PCDH15: variants seen among roughly 807,000 people sequenced by gnomAD.
PCDH15 encodes the protein protocadherin-15.
PCDH15 carries 129 observed loss-of-function variants against 178.5 expected under a neutral mutation model. The ratio of observed to expected loss-of-function variants is 0.72; its 90% CI spans 0.63 to 0.84. PCDH15 has a LOEUF of 0.84. Ranked by LOEUF, PCDH15 falls within the 40% of genes least tolerant of loss-of-function variation. The pLI, the probability that PCDH15 is intolerant of heterozygous loss-of-function variation, is 0.00. For missense variants in PCDH15, 2,230 were observed against 2,099.9 expected (o/e 1.06, Z -1.21); for synonymous variants, 800 against 732.0 (o/e 1.09, Z -1.50).
At chr10:53,853,414 C>G (rs1481962050) in intron 28 of PCDH15, among the ~76,000 whole-genome samples, 1 of 151,190 alleles carries the variant, frequency 6.6e-6, no homozygotes, top group East Asian at 1.9e-4. Flanking sequence ...CAAAAATAGA[C>G]AGATGGACTA....
At chr10:55,309,881 G>A (rs1843535849) in intron 1 of PCDH15, among the ~76,000 whole-genome samples, 1 of 152,034 alleles carries the variant, frequency 6.6e-6, no homozygotes, top group Non-Finnish European at 1.5e-5. Context: ...TGGCTAGAAG[G>A]GTCATGACTG....
intron 15 of PCDH15, among the ~76,000 whole-genome samples, chr10:54,127,915 C>G (rs1186694493): frequency 6.6e-6 from 1 of 152,096 alleles, no homozygotes; most frequent in African/African-American, 2.4e-5. Context: ...ATGCCTTACT[C>G]ATTATTTTTA....
intron 2 of PCDH15, among the ~76,000 whole-genome samples, chr10:55,125,163 TTG>T (rs34423359): frequency 0.015 from 2,188 of 143,030 alleles, 35 homozygotes; most frequent in African/African-American, 0.039. Flanking sequence ...TTTTTTTTAA[TTG>T]TGTGTGTGTG....
chr10:54,892,043 C>T (rs1474863399), intron 3 of PCDH15, among the ~76,000 whole-genome samples: 1 of 152,120 alleles, frequency 6.6e-6, no homozygotes, highest in African/African-American at 2.4e-5. Flanking sequence ...CTGAGTTATA[C>T]AATACCTGAC....
Position 54,444,651 on chromosome 10 carries a change from ATATC to A in PCDH15, c.158-65713_158-65710del, listed in dbSNP as rs2136207730. Among the ~76,000 whole-genome samples, 3 of 151,800 alleles carry A rather than the reference ATATC, an allele frequency of 2.0e-5. No homozygotes were observed. The East Asian group carries it at 5.8e-4, about 29-fold the overall frequency. On this transcript the variant is annotated intron_variant, in intron 3 of 37. Coordinates refer to ENST00000644397, the MANE Select transcript of PCDH15 (RefSeq NM_001384140.1). Reference sequence around the variant, plus strand: ...TCATAAACTAGCACAGAAGCTTGTCATATCATTACACATTTATCCATTGCTCTAA... The same window carrying A: ...TCATAAACTAGCACAGAAGCTTGTCAATTACACATTTATCCATTGCTCTAA...
intron 3 of PCDH15, among the ~76,000 whole-genome samples, chr10:54,468,492 T>C (rs1452026256): frequency 1.3e-5 from 2 of 152,086 alleles, no homozygotes; most frequent in Non-Finnish European, 2.9e-5. Context: ...TATTTTTTAT[T>C]CCACTGTGTT....
chr10:53,974,059 C>A (rs1374780647), intron 21 of PCDH15, among the ~76,000 whole-genome samples: 1 of 152,160 alleles, frequency 6.6e-6, no homozygotes, highest in African/African-American at 2.4e-5. Context: ...ACTCTGTCGT[C>A]CGGGCTGGAA....
chr10:54,214,097 T>C, intron 9 of PCDH15, 49 bp from the exon 10 acceptor site: 1 of 991,662 alleles, frequency 1.0e-6, no homozygotes, highest in Non-Finnish European at 1.6e-6. Flanking sequence ...ATAAGTAATA[T>C]GTGTATCTGC....
chr10:53,862,584 A>G (rs2079173344), intron 27 of PCDH15, among the ~76,000 whole-genome samples: 1 of 152,088 alleles, frequency 6.6e-6, no homozygotes, highest in African/African-American at 2.4e-5. Flanking sequence ...TTAATATTCT[A>G]ATTTGTGCTT....
At chr10:54,467,229 T>C (rs1359307220) in intron 3 of PCDH15, among the ~76,000 whole-genome samples, 2 of 151,960 alleles carry the variant, frequency 1.3e-5, no homozygotes, top group African/African-American at 4.8e-5. Flanking sequence ...TCTTTATTTT[T>C]TTCCAGTTCT....
intron 21 of PCDH15, among the ~76,000 whole-genome samples, chr10:53,982,312 A>G (rs1452624126): frequency 2.6e-5 from 4 of 152,180 alleles, no homozygotes; most frequent in Admixed American, 1.3e-4. Context: ...CAGCAATCTC[A>G]TTACTGGGTA....
chr10:54,959,682 C>A (rs889405533), intron 2 of PCDH15, among the ~76,000 whole-genome samples: 8 of 152,056 alleles, frequency 5.3e-5, no homozygotes, highest in Non-Finnish European at 8.8e-5. Context: ...TAATCAGCAT[C>A]TAACCTAGCC....
chr10:54,017,876 T>C (rs895566821), intron 20 of PCDH15, among the ~76,000 whole-genome samples: 2 of 151,994 alleles, frequency 1.3e-5, no homozygotes, highest in African/African-American at 4.8e-5. Flanking sequence ...TGAAGAATTA[T>C]CTTAAAAAAA....
intron 2 of PCDH15, among the ~76,000 whole-genome samples, chr10:55,073,775 G>T (rs932234445): frequency 6.6e-6 from 1 of 152,036 alleles, no homozygotes; most frequent in East Asian, 1.9e-4. Flanking sequence ...TCATCTAACC[G>T]TAGGCTTTTT....
chr10:55,113,036 G>C lies in PCDH15; in HGVS notation c.-80+53540C>G, dbSNP rs552426748. The stretch of plus-strand genomic sequence containing the variant: ...CTTTGTTCGTGACACCAAGAACTTG[G>C]AACTGCATGGCATCATCCTGTAACA... On this transcript the variant is annotated intron_variant, in intron 2 of 5. Coordinates refer to the PCDH15 transcript ENST00000458638. Among the ~76,000 whole-genome samples, 17 of 152,094 alleles carry C rather than the reference G, an allele frequency of 1.1e-4. No homozygotes were observed. The South Asian group carries it at 2.7e-3, about 24-fold the overall frequency.
At chr10:54,316,463 T>C (rs2061273399) in intron 8 of PCDH15, among the ~76,000 whole-genome samples, 1 of 151,756 alleles carries the variant, frequency 6.6e-6, no homozygotes, top group African/African-American at 2.4e-5. Context: ...TCCAGGGAAA[T>C]AGCAAAAATA....
At chr10:54,988,336 T>C (rs1839420796) in intron 2 of PCDH15, among the ~76,000 whole-genome samples, 1 of 152,084 alleles carries the variant, frequency 6.6e-6, no homozygotes, top group Admixed American at 6.6e-5. Context: ...GCTGCTGCTA[T>C]AGATACCCCA....
intron 2 of PCDH15, among the ~76,000 whole-genome samples, chr10:55,159,909 A>G (rs962743718): frequency 2.0e-5 from 3 of 151,402 alleles, no homozygotes; most frequent in Non-Finnish European, 2.9e-5. Context: ...AAGGTGAAAA[A>G]TAAATATATG....
intron 2 of PCDH15, among the ~76,000 whole-genome samples, chr10:54,588,987 A>G (rs2091700019): frequency 6.6e-6 from 1 of 152,208 alleles, no homozygotes; most frequent in South Asian, 2.1e-4. Flanking sequence ...TTGAGAAAGT[A>G]ATAGAATTTG....
Sources: allele counts gnomAD v4.1 joint callset (sites outside exome capture counted in the v4.1 genomes callset), GRCh38; gene constraint gnomAD v4.1.1; transcripts MANE v1.5; gene names NCBI Gene and HGNC (gene_info 2026-07-23, HGNC 2026-07-21).